Variants in RAD51B observed in about 807,000 individuals in gnomAD.
The protein encoded by RAD51B is DNA repair protein RAD51 homolog 2.
Under a neutral mutation model 42.2 loss-of-function variants are expected in RAD51B, and 38 were observed. The observed-to-expected ratio is 0.90, with a 90% CI of 0.70 to 1.18. RAD51B has a LOEUF of 1.18. Ranked by LOEUF, RAD51B falls within the 50% of genes most tolerant of loss-of-function variation. The pLI is 0.00. For missense variants in RAD51B, 373 were observed against 400.7 expected, an observed-to-expected ratio of 0.93 and a Z score of 0.59; for synonymous variants, 154 against 145.2, an observed-to-expected ratio of 1.06 and a Z score of -0.43.
At chr14:68,028,831 C>T (rs2140365230) in intron 7 of RAD51B, among the ~76,000 whole-genome samples, 1 of 152,314 alleles carries the variant, frequency 6.6e-6, no homozygotes, top group African/African-American at 2.4e-5. Flanking sequence ...TGGGTTAGAG[C>T]TTCTTGGAGG....
chr14:67,944,594 G>A (rs1417370024), intron 7 of RAD51B, among the ~76,000 whole-genome samples: 1 of 152,048 alleles, frequency 6.6e-6, no homozygotes, highest in Non-Finnish European at 1.5e-5. Context: ...CTACCGTAGT[G>A]TGTTTATGTA....
chr14:68,015,350 G>A (rs569505558), intron 7 of RAD51B, among the ~76,000 whole-genome samples: 7 of 152,196 alleles, frequency 4.6e-5, no homozygotes, highest in Admixed American at 1.3e-4. Flanking sequence ...AATAGGGGGA[G>A]GCAGAGGTAT....
intron 7 of RAD51B, among the ~76,000 whole-genome samples, chr14:68,146,802 A>G (rs1055948471): frequency 6.6e-6 from 1 of 152,104 alleles, no homozygotes; most frequent in Non-Finnish European, 1.5e-5. Context: ...TTTTTTCAGT[A>G]AAGGTGAAAG....
At chr14:68,633,343 G>A (rs112174742) in intron 10 of RAD51B, among the ~76,000 whole-genome samples, 3 of 152,084 alleles carry the variant, frequency 2.0e-5, no homozygotes, top group Non-Finnish European at 2.9e-5. Flanking sequence ...GAGCTACAAC[G>A]CCAAGGCTCG....
chr14:68,630,699 G>A (rs17106069), intron 10 of RAD51B, among the ~76,000 whole-genome samples: 31,640 of 150,818 alleles, frequency 0.21, 3,587 homozygotes, highest in Middle Eastern at 0.25. Flanking sequence ...ACCTTCGGCC[G>A]GTAACTTCTA....
intron 7 of RAD51B, among the ~76,000 whole-genome samples, chr14:68,264,546 C>A (rs2080951461): frequency 6.6e-6 from 1 of 152,060 alleles, no homozygotes; most frequent in Non-Finnish European, 1.5e-5. Flanking sequence ...TGGTGGAATG[C>A]CAGAAGTACA....
At chr14:68,492,295 AATC>A (rs1884141154) in intron 10 of RAD51B, among the ~76,000 whole-genome samples, 2 of 152,220 alleles carry the variant, frequency 1.3e-5, no homozygotes, top group African/African-American at 4.8e-5. Context: ...GGTAATAAAT[AATC>A]AATAGCTCAC....
chr14:68,367,531 G>A (rs531102733), intron 8 of RAD51B, among the ~76,000 whole-genome samples: 1 of 152,350 alleles, frequency 6.6e-6, no homozygotes, highest in East Asian at 1.9e-4. Context: ...CATTTGAAAG[G>A]CAGGTTCATG....
At chr14:68,071,942 A>G (rs57186043) in intron 7 of RAD51B, among the ~76,000 whole-genome samples, 4,460 of 149,444 alleles carry the variant, frequency 0.03, 243 homozygotes, top group African/African-American at 0.1. Flanking sequence ...GGAACTCATT[A>G]TTGATCTGTT....
rs145467787 is a variant in RAD51B, at chr14:68,287,165, A to G, written c.757-4719A>G. Among the ~76,000 whole-genome samples the G allele has an allele frequency of 5.4e-3, 825 of 152,172 alleles. 12 individuals carry two copies. The highest frequency in any genetic ancestry group is 0.018 in the African/African-American group (765 of 41,510). On this transcript the variant is annotated intron_variant, in intron 7 of 10. Transcript: ENST00000471583. ...CTTGCTGGCTGTGAAAGGAGGACCT[A>G]CTGGGTGGTCTATGAATCTATACCC...
intron 10 of RAD51B, chr14:68,470,644 C>A: frequency 2.1e-6 from 1 of 486,492 alleles, no homozygotes; most frequent in Non-Finnish European, 4.0e-6. Flanking sequence ...AGAGAGAAGA[C>A]AGAAGAAAGA....
At chr14:68,420,545 G>A (rs372023528) in intron 9 of RAD51B, among the ~76,000 whole-genome samples, 190 of 152,136 alleles carry the variant, frequency 1.2e-3, no homozygotes, top group African/African-American at 4.4e-3. Flanking sequence ...GACCATATAC[G>A]GTAACTTCCT....
chr14:67,824,670 A>G (rs1371942647), intron 2 of RAD51B, among the ~76,000 whole-genome samples: 3 of 152,000 alleles, frequency 2.0e-5, no homozygotes, highest in Non-Finnish European at 4.4e-5. Flanking sequence ...AATTATTTGC[A>G]TATTTATACT....
At chr14:68,545,477 G>T in intron 10 of RAD51B, 1 of 428,382 alleles carries the variant, frequency 2.3e-6, no homozygotes. Context: ...TTTTTTTTCA[G>T]AATGGAACAA....
intron 9 of RAD51B, among the ~76,000 whole-genome samples, chr14:68,417,662 G>A (rs879711097): frequency 2.0e-5 from 3 of 152,174 alleles, no homozygotes; most frequent in Admixed American, 6.5e-5. Flanking sequence ...ACAATGAGCT[G>A]CTACTCACAG....
chr14:68,501,672 C>T (rs1225808027), intron 10 of RAD51B, among the ~76,000 whole-genome samples: 4 of 152,270 alleles, frequency 2.6e-5, no homozygotes, highest in Non-Finnish European at 5.9e-5. Context: ...AGGCCACAAC[C>T]GTTGGAAATA....
intron 8 of RAD51B, among the ~76,000 whole-genome samples, chr14:68,320,271 A>G (rs1049887843): frequency 1.3e-5 from 2 of 152,248 alleles, no homozygotes; most frequent in African/African-American, 4.8e-5. Context: ...TCTGGGCACT[A>G]GAAGATGTTA....
At chr14:68,670,302 A>G (rs980725586) in intron 11 of RAD51B, among the ~76,000 whole-genome samples, 2 of 152,152 alleles carry the variant, frequency 1.3e-5, no homozygotes, top group Middle Eastern at 3.2e-3. Flanking sequence ...CAGTGGACAG[A>G]TGGATGGTTT....
intron 3 of RAD51B, among the ~76,000 whole-genome samples, chr14:67,833,748 C>T (rs1219123248): frequency 1.3e-5 from 2 of 152,194 alleles, no homozygotes; most frequent in East Asian, 1.9e-4. Flanking sequence ...GTAACTGAAA[C>T]ATGGGAAGTG....
Sources: allele counts gnomAD v4.1 joint callset (sites outside exome capture counted in the v4.1 genomes callset), GRCh38; gene constraint gnomAD v4.1.1; transcripts MANE v1.5; gene names NCBI Gene and HGNC (gene_info 2026-07-23, HGNC 2026-07-21).